TBC1D5: variants seen among roughly 807,000 people sequenced by gnomAD.
The protein encoded by TBC1D5 is TBC1 domain family, member 5.
A neutral mutation model predicts 100.3 loss-of-function variants in TBC1D5; 75 were observed. The observed-to-expected ratio is 0.75, with a 90% CI of 0.62 to 0.91. The LOEUF (loss-of-function observed/expected upper bound fraction) is 0.91. Among genes scored for constraint, TBC1D5 ranks in the 40% least tolerant of loss-of-function variants. The probability of loss-of-function intolerance (pLI) is 0.00; values close to 1 mark genes in which losing one functional copy is unlikely to be tolerated. For synonymous variants in TBC1D5, 323 were observed against 325.6 expected, an observed-to-expected ratio of 0.99 and a Z score of 0.09; for missense variants, 910 against 942.4, an observed-to-expected ratio of 0.97 and a Z score of 0.45.
chr3:17,510,062 T>C (rs2095886387), intron 2 of TBC1D5, among the ~76,000 whole-genome samples: 1 of 151,942 alleles, frequency 6.6e-6, no homozygotes, highest in African/African-American at 2.4e-5. Flanking sequence ...CATAATCTTT[T>C]AAATTTCAGG....
intron 1 of TBC1D5, among the ~76,000 whole-genome samples, chr3:17,691,786 C>CAGCCAG (rs1165454969): frequency 4.0e-5 from 6 of 149,840 alleles, no homozygotes; most frequent in African/African-American, 1.5e-4. Flanking sequence ...CACTGCACTC[C>CAGCCAG]AGCCAGGCAG....
intron 2 of TBC1D5, among the ~76,000 whole-genome samples, chr3:17,587,009 T>C (rs2096737176): frequency 6.6e-6 from 1 of 152,020 alleles, no homozygotes; most frequent in Non-Finnish European, 1.5e-5. Context: ...AAAATTCCAT[T>C]GAAAATGGAT....
At chr3:17,618,511 G>C (rs550805776) in intron 2 of TBC1D5, among the ~76,000 whole-genome samples, 1 of 152,254 alleles carries the variant, frequency 6.6e-6, no homozygotes, top group East Asian at 1.9e-4. Flanking sequence ...CACAGAGGTG[G>C]AGTCTATAGA....
chr3:17,185,634 T>C (rs2068948201), intron 18 of TBC1D5, among the ~76,000 whole-genome samples: 1 of 152,076 alleles, frequency 6.6e-6, no homozygotes, highest in Non-Finnish European at 1.5e-5. Flanking sequence ...TTTCACACAT[T>C]TGAGAAACCA....
intron 1 of TBC1D5, among the ~76,000 whole-genome samples, chr3:17,669,331 G>A (rs1372310630): frequency 2.6e-5 from 4 of 152,148 alleles, no homozygotes; most frequent in Non-Finnish European, 5.9e-5. Context: ...GTCTCAGGCA[G>A]TTCTTTATAG....
chr3:17,217,800 T>C (rs1186584227), intron 17 of TBC1D5, among the ~76,000 whole-genome samples: 3 of 152,086 alleles, frequency 2.0e-5, no homozygotes, highest in African/African-American at 7.2e-5. Flanking sequence ...AAAATTCTTC[T>C]GTTCTGTGTA....
chr3:17,696,584 C>A (rs1016557223), intron 1 of TBC1D5, among the ~76,000 whole-genome samples: 2 of 152,156 alleles, frequency 1.3e-5, no homozygotes, highest in Non-Finnish European at 2.9e-5. Flanking sequence ...AGAACAATCA[C>A]AGGCTCTGAA....
At chr3:17,387,923 A>G (rs1261960781) in intron 8 of TBC1D5, among the ~76,000 whole-genome samples, 2 of 152,004 alleles carry the variant, frequency 1.3e-5, no homozygotes, top group African/African-American at 2.4e-5. Context: ...AGGAAAATAA[A>G]ACAGAAAGGA....
chr3:17,526,872 C>T (rs2096143086), intron 2 of TBC1D5, among the ~76,000 whole-genome samples: 1 of 152,152 alleles, frequency 6.6e-6, no homozygotes, highest in African/African-American at 2.4e-5. Flanking sequence ...CAACCTTATA[C>T]ATTATAATTA....
intron 13 of TBC1D5, among the ~76,000 whole-genome samples, chr3:17,347,614 T>C (rs17043453): frequency 0.061 from 9,232 of 151,954 alleles, 547 homozygotes; most frequent in African/African-American, 0.15. Context: ...ATGAAGCAAC[T>C]GAGTTGTAAA....
At chr3:17,533,074 G>GAGAC (rs1247458716) in intron 2 of TBC1D5, among the ~76,000 whole-genome samples, 1 of 144,960 alleles carries the variant, frequency 6.9e-6, no homozygotes, top group Admixed American at 7.0e-5. Context: ...CACATACACA[G>GAGAC]ACACACACAC....
chr3:17,295,557 T>C (rs189941728), intron 14 of TBC1D5, among the ~76,000 whole-genome samples: 3 of 152,362 alleles, frequency 2.0e-5, no homozygotes, highest in Admixed American at 2.0e-4. Flanking sequence ...TCAGTAATGA[T>C]ATGCAGAAAA....
At chr3:17,320,236 T>C (rs181796808) in intron 13 of TBC1D5, among the ~76,000 whole-genome samples, 9 of 152,332 alleles carry the variant, frequency 5.9e-5, no homozygotes, top group Admixed American at 1.3e-4. Context: ...AAAGGGGAAT[T>C]TGGGAAAACT....
intron 2 of TBC1D5, among the ~76,000 whole-genome samples, chr3:17,534,925 A>C (rs567261086): frequency 8.7e-4 from 133 of 152,328 alleles, no homozygotes; most frequent in African/African-American, 2.9e-3. Flanking sequence ...TCTTTAATCA[A>C]GTAAAGCTGA....
At chr3:17,501,413 G>C (rs1370189124) in intron 3 of TBC1D5, among the ~76,000 whole-genome samples, 1 of 149,328 alleles carries the variant, frequency 6.7e-6, no homozygotes, top group Non-Finnish European at 1.5e-5. Context: ...ATATATATTA[G>C]ATAGGTACAT....
At chr3:17,450,782 G>C (rs1269065645) in intron 3 of TBC1D5, among the ~76,000 whole-genome samples, 1 of 152,190 alleles carries the variant, frequency 6.6e-6, no homozygotes, top group Non-Finnish European at 1.5e-5. Context: ...AAGTGATGGA[G>C]AGAATGGAAC....
intron 17 of TBC1D5, among the ~76,000 whole-genome samples, chr3:17,233,042 T>C (rs2148920950): frequency 6.6e-6 from 1 of 152,278 alleles, no homozygotes; most frequent in South Asian, 2.1e-4. Context: ...TTTATATGTT[T>C]TAAAATTGCA....
chr3:17,225,308 G>A (rs1279173993), intron 17 of TBC1D5, among the ~76,000 whole-genome samples: 4 of 151,520 alleles, frequency 2.6e-5, no homozygotes, highest in African/African-American at 4.9e-5. Context: ...GCATGGTGGC[G>A]CATGCCTGTA....
chr3:17,309,599 T>A (rs529619896), intron 13 of TBC1D5, among the ~76,000 whole-genome samples: 7 of 150,006 alleles, frequency 4.7e-5, no homozygotes, highest in Non-Finnish European at 8.8e-5. Flanking sequence ...TTAACACAAT[T>A]TTTTTTTGTC....
Sources: allele counts gnomAD v4.1 joint callset (sites outside exome capture counted in the v4.1 genomes callset), GRCh38; gene constraint gnomAD v4.1.1; transcripts MANE v1.5; gene names NCBI Gene and HGNC (gene_info 2026-07-23, HGNC 2026-07-21).